PBX3: variants seen among roughly 807,000 people sequenced by gnomAD.
The protein encoded by PBX3 is PBX homeobox 3, also known as pre-B-cell leukemia transcription factor 3.
Under a neutral mutation model 48.5 loss-of-function variants are expected in PBX3, and 14 were observed. The observed-to-expected ratio is 0.29, with a 90% CI of 0.19 to 0.45. PBX3 has a LOEUF of 0.45. PBX3 is among the 20% of genes least tolerant of loss of function. The probability of loss-of-function intolerance (pLI) is 1.00; values close to 1 mark genes in which losing one functional copy is unlikely to be tolerated. For missense variants in PBX3, 386 were observed against 546.7 expected, an observed-to-expected ratio of 0.71 and a Z score of 2.93; for synonymous variants, 210 against 200.3, an observed-to-expected ratio of 1.05 and a Z score of -0.41.
chr9:125,786,100 T>TA (rs1316788977), intron 2 of PBX3, among the ~76,000 whole-genome samples: 4 of 152,228 alleles, frequency 2.6e-5, no homozygotes, highest in African/African-American at 9.6e-5. Flanking sequence ...TTCCTGCTGA[T>TA]ATCACTCCCA....
At chr9:125,822,335 G>A (rs888902727) in intron 2 of PBX3, among the ~76,000 whole-genome samples, 1 of 151,980 alleles carries the variant, frequency 6.6e-6, no homozygotes, top group Non-Finnish European at 1.5e-5. Context: ...TTGCCCATTT[G>A]GCATTGGGGA....
At chr9:125,756,182 T>C (rs1836514747) in intron 2 of PBX3, among the ~76,000 whole-genome samples, 1 of 152,144 alleles carries the variant, frequency 6.6e-6, no homozygotes, top group Non-Finnish European at 1.5e-5. Context: ...TTATACAACC[T>C]GTGGAATTTA....
intron 2 of PBX3, among the ~76,000 whole-genome samples, chr9:125,812,746 A>G (rs1838329729): frequency 6.6e-6 from 1 of 152,246 alleles, no homozygotes; most frequent in Non-Finnish European, 1.5e-5. Flanking sequence ...CCTTCTGTAC[A>G]CCTAGGCTAT....
At chr9:125,774,603 T>C (rs188001461) in intron 2 of PBX3, among the ~76,000 whole-genome samples, 323 of 152,302 alleles carry the variant, frequency 2.1e-3, no homozygotes, top group Non-Finnish European at 3.7e-3. Flanking sequence ...TGAGTAATAT[T>C]TCATTGTATG....
chr9:125,962,260 G>T, intron 7 of PBX3, 46 bp downstream of exon 7: 1 of 1,144,868 alleles, frequency 8.7e-7, no homozygotes, highest in South Asian at 1.3e-5. Flanking sequence ...GGTAGGGTTT[G>T]GGCTCAAAAC....
chr9:125,798,355 A>G (rs984931118), intron 2 of PBX3, among the ~76,000 whole-genome samples: 4 of 152,206 alleles, frequency 2.6e-5, no homozygotes, highest in Admixed American at 1.3e-4. Context: ...AATGAAATTT[A>G]TATTCTAAGC....
At position 125,965,176 on chromosome 9, in the gene PBX3, G is replaced by A. The variant is rs143182619; in HGVS notation, c.1213-655G>A. On this transcript the variant is annotated intron_variant, in intron 8 of 8. Coordinates refer to ENST00000373489, the MANE Select transcript of PBX3 (RefSeq NM_006195.6). ...ATAAGGCAAATTTGTTTCTGAGTAC[G>A]GTTATTGCTGCTGCAGGTCTGAGGC... Among the ~76,000 whole-genome samples, 100 of 152,320 alleles carry A rather than the reference G, an allele frequency of 6.6e-4. 1 individual carries two copies. Among genetic ancestry groups the A allele is most frequent in the East Asian group, 3.1e-3 (16 of 5,188 alleles).
At chr9:125,782,665 G>T (rs899225759) in intron 2 of PBX3, among the ~76,000 whole-genome samples, 1 of 152,110 alleles carries the variant, frequency 6.6e-6, no homozygotes, top group Non-Finnish European at 1.5e-5. Context: ...TTTCTTCATA[G>T]TTTCGACTTA....
At chr9:125,829,407 G>T (rs150692375) in intron 2 of PBX3, among the ~76,000 whole-genome samples, 4 of 152,244 alleles carry the variant, frequency 2.6e-5, no homozygotes, top group African/African-American at 9.6e-5. Context: ...GAGAAAATAA[G>T]CTTGCTGATT....
chr9:125,930,966 G>A (rs1841700892), intron 4 of PBX3, among the ~76,000 whole-genome samples: 1 of 152,150 alleles, frequency 6.6e-6, no homozygotes, highest in Admixed American at 6.5e-5. Context: ...TTGTTGTTGT[G>A]AAGATTTTAT....
intron 5 of PBX3, among the ~76,000 whole-genome samples, chr9:125,952,643 C>T (rs575866113): frequency 1.3e-5 from 2 of 152,278 alleles, no homozygotes; most frequent in East Asian, 3.9e-4. Flanking sequence ...AACCTATCAA[C>T]CATGCCCTTC....
At chr9:125,821,375 A>C (rs1457003671) in intron 2 of PBX3, among the ~76,000 whole-genome samples, 1 of 152,158 alleles carries the variant, frequency 6.6e-6, no homozygotes, top group Non-Finnish European at 1.5e-5. Context: ...CATTTTTCTA[A>C]TTGTATCTTA....
chr9:125,903,303 A>T (rs1444296641), intron 2 of PBX3, among the ~76,000 whole-genome samples: 2 of 151,852 alleles, frequency 1.3e-5, no homozygotes, highest in African/African-American at 4.8e-5. Context: ...AAATAGTTGA[A>T]ATCTCAAGGG....
chr9:125,933,673 A>G (rs1416935775), intron 4 of PBX3, among the ~76,000 whole-genome samples: 1 of 152,078 alleles, frequency 6.6e-6, no homozygotes, highest in Non-Finnish European at 1.5e-5. Context: ...GCAGGTGCAT[A>G]TCTAAGGGGG....
chr9:125,816,237 A>G (rs1374619733), intron 2 of PBX3, among the ~76,000 whole-genome samples: 2 of 151,980 alleles, frequency 1.3e-5, no homozygotes, highest in Non-Finnish European at 2.9e-5. Flanking sequence ...AGCTCAAGTG[A>G]TCTGTGTGCC....
intron 2 of PBX3, among the ~76,000 whole-genome samples, chr9:125,809,435 T>C (rs1838223478): frequency 6.6e-6 from 1 of 152,130 alleles, no homozygotes; most frequent in Non-Finnish European, 1.5e-5. Flanking sequence ...CTGATTTTTT[T>C]TTTTTTTTGC....
At chr9:125,954,911 T>C (rs544142211) in intron 5 of PBX3, among the ~76,000 whole-genome samples, 1 of 152,230 alleles carries the variant, frequency 6.6e-6, no homozygotes, top group African/African-American at 2.4e-5. Context: ...TTTTAAAGAA[T>C]AGTGTTACAG....
intron 2 of PBX3, among the ~76,000 whole-genome samples, chr9:125,846,762 T>C (rs1839435358): frequency 6.6e-6 from 1 of 152,052 alleles, no homozygotes; most frequent in South Asian, 2.1e-4. Flanking sequence ...ACTGTATCAT[T>C]ATTACACCAA....
intron 2 of PBX3, among the ~76,000 whole-genome samples, chr9:125,885,865 A>T (rs1276840830): frequency 6.6e-6 from 1 of 151,622 alleles, no homozygotes; most frequent in Non-Finnish European, 1.5e-5. Context: ...GTGCTGGTTT[A>T]TTCTATATGT....
Sources: gnomAD v4.1 joint callset for allele counts (sites outside exome capture counted in the v4.1 genomes callset) on GRCh38, gnomAD v4.1.1 for gene constraint, MANE v1.5 for transcripts, NCBI Gene and HGNC (gene_info 2026-07-23, HGNC 2026-07-21) for gene names.